The following HUWE1 variants were observed in gnomAD, a reference collection of about 807,000 sequenced individuals.
HUWE1 encodes E3 ubiquitin-protein ligase HUWE1.
Under a neutral mutation model 299.4 loss-of-function variants are expected in HUWE1, and 18 were observed. That is an observed-to-expected ratio of 0.06 (90% CI 0.04 to 0.09). The LOEUF is 0.09. Ranked by LOEUF, HUWE1 falls within the 10% of genes least tolerant of loss-of-function variation. The probability of loss-of-function intolerance (pLI) is 1.00; values close to 1 mark genes in which losing one functional copy is unlikely to be tolerated. For synonymous variants in HUWE1, 1,317 were observed against 1,286.1 expected (o/e 1.02, Z -0.51); for missense variants, 1,832 against 3,462.3 (o/e 0.53, Z 11.82).
intron 23 of HUWE1, among the ~76,000 whole-genome samples, chrX:53,612,329 G>A (rs1479499419): frequency 9.0e-6 from 1 of 111,700 alleles, no homozygotes; most frequent in Non-Finnish European, 1.9e-5. Flanking sequence ...ACTGATACTG[G>A]GGTACAGTAA....
chrX:53,643,749 T>TATA (rs782035041), intron 7 of HUWE1, among the ~76,000 whole-genome samples: 37 of 112,540 alleles, frequency 3.3e-4, no homozygotes, highest in Non-Finnish European at 6.8e-4. Context: ...TTTTACTAGT[T>TATA]ATAATAATTT....
chrX:53,574,120 AT>A (rs1556955950), intron 46 of HUWE1, among the ~76,000 whole-genome samples, 156 bp from the exon 47 acceptor site: 2 of 112,533 alleles, frequency 1.8e-5, no homozygotes, highest in Non-Finnish European at 3.8e-5. Flanking sequence ...GAGAACCAGG[AT>A]AACTCAGGTC....
At chrX:53,641,537 A>T (rs1166124495) in intron 7 of HUWE1, among the ~76,000 whole-genome samples, 1 of 111,669 alleles carries the variant, frequency 9.0e-6, no homozygotes, top group East Asian at 2.8e-4. Flanking sequence ...TCAGGGGTAA[A>T]CTCTAAAAAA....
chrX:53,589,608 G>A lies in HUWE1; in HGVS notation c.4400C>T (p.Thr1467Ile). Reference protein sequence around the residue: ...TVYRVCDLIMTAIKRNGADYR... With the variant: ...TVYRVCDLIMIAIKRNGADYR... Reference sequence around the variant, plus strand: ...ATCTGCTCCATTACGTTTGATTGCTGTCATGATCAGGTCACACACACGGTA... The same window carrying A: ...ATCTGCTCCATTACGTTTGATTGCTATCATGATCAGGTCACACACACGGTA... The change falls in exon 36 of 84, where the codon ACA becomes ATA. Residue 1467 changes from threonine (T) to isoleucine (I), a missense_variant. Thr to Ile is a moderately conservative substitution (Grantham distance 89). Transcript: ENST00000262854. 1 of 1,210,708 alleles carries A rather than the reference G, an allele frequency of 8.3e-7. No homozygotes were observed. The highest frequency in any genetic ancestry group is 2.2e-5 in the Admixed American group (1 of 45,988).
chrX:53,581,665 ATTTTT>A (rs1265066640), intron 42 of HUWE1, among the ~76,000 whole-genome samples: 1 of 107,200 alleles, frequency 9.3e-6, no homozygotes, highest in Non-Finnish European at 1.9e-5. Flanking sequence ...TGGTATCTTA[ATTTTT>A]TTTTTTTAAA....
At chrX:53,626,565 C>T (rs928755504) in intron 17 of HUWE1, among the ~76,000 whole-genome samples, 4 of 111,115 alleles carry the variant, frequency 3.6e-5, no homozygotes, top group Admixed American at 2.9e-4. Context: ...TTTGAATATG[C>T]ATAAAAAAGC....
At chrX:53,598,551 T>C (rs1270306285) in intron 29 of HUWE1, among the ~76,000 whole-genome samples, 2 of 111,380 alleles carry the variant, frequency 1.8e-5, no homozygotes, top group Non-Finnish European at 3.8e-5. Context: ...TCTTAATGAA[T>C]AGTAAATATA....
intron 59 of HUWE1, among the ~76,000 whole-genome samples, chrX:53,558,031 T>C (rs2062108937): frequency 8.9e-6 from 1 of 112,055 alleles, no homozygotes; most frequent in Non-Finnish European, 1.9e-5. Flanking sequence ...CCCCCTTTTA[T>C]ATCAAGTGAT....
intron 43 of HUWE1, among the ~76,000 whole-genome samples, chrX:53,578,964 C>T (rs2063420216): frequency 1.4e-5 from 1 of 71,868 alleles, no homozygotes; most frequent in African/African-American, 5.7e-5. Context: ...CGCCTCTGCC[C>T]GGCCGCCCCT....
chrX:53,642,635 T>A, intron 7 of HUWE1, among the ~76,000 whole-genome samples: 1 of 112,377 alleles, frequency 8.9e-6, no homozygotes, highest in Non-Finnish European at 1.9e-5. Context: ...GGGTTCCCAT[T>A]GCTTCACATA....
chrX:53,586,477 C>T lies in HUWE1; in HGVS notation c.4824+13G>A. The T allele has an allele frequency of 8.6e-7, 1 of 1,161,632 alleles. No individual in the cohort carries two copies. The highest frequency in any genetic ancestry group is 1.2e-6 in the Non-Finnish European group (1 of 850,357). On this transcript the variant is annotated intron_variant, in intron 39 of 83. Coordinates refer to ENST00000262854, the MANE Select transcript of HUWE1 (RefSeq NM_031407.7). Reference sequence around the variant, plus strand: ...CTAAACCGTCCTGCAGTCATACATACTACATTACACACCTTAGTCATCTGG... The same window carrying T: ...CTAAACCGTCCTGCAGTCATACATATTACATTACACACCTTAGTCATCTGG...
intron 75 of HUWE1, among the ~76,000 whole-genome samples, chrX:53,539,306 C>A (rs1324191129): frequency 1.1e-5 from 1 of 90,118 alleles, no homozygotes; most frequent in African/African-American, 4.1e-5. Flanking sequence ...CATAGTGAGA[C>A]CTCATTTCTG....
At chrX:53,563,665 C>T in intron 52 of HUWE1, 81 bp downstream of exon 52, 1 of 1,069,961 alleles carries the variant, frequency 9.3e-7, no homozygotes. Context: ...CAGAGCTGAG[C>T]AAGCAGATGA....
In HUWE1 at chrX:53,532,531, A is replaced by C. The variant is rs189505963; in HGVS notation, c.*778T>G. On this transcript the variant is annotated 3_prime_UTR_variant, in exon 84 of 84. Transcript: ENST00000262854. ...CTGGGCTGCAATCTCTAACACCATC[A>C]CCATCCCCAAGTGCAGCTCCCATTC... The C allele has an allele frequency of 9.4e-6, 1 of 106,134 alleles. No individual in the cohort carries two copies. Among genetic ancestry groups the C allele is most frequent in the Non-Finnish European group, 1.9e-5 (1 of 51,697 alleles). 8.7% of individuals were successfully genotyped at this position (106,134 alleles called of 1,213,427 possible). A position where few individuals can be genotyped will look rare whatever the true frequency, so the allele number is the denominator to read the frequency against.
intron 7 of HUWE1, among the ~76,000 whole-genome samples, chrX:53,634,894 T>C (rs1456897872): frequency 8.9e-6 from 1 of 112,585 alleles, no homozygotes; most frequent in Non-Finnish European, 1.9e-5. Context: ...AACTGGCTTC[T>C]AAATACAAAA....
chrX:53,638,952 T>G (rs2149162492), intron 7 of HUWE1, among the ~76,000 whole-genome samples: 1 of 112,165 alleles, frequency 8.9e-6, no homozygotes, highest in East Asian at 2.8e-4. Context: ...TAAAAACTAC[T>G]ATGAGGAAAG....
In HUWE1 at chrX:53,545,076, A is replaced by G; in HGVS notation, c.11001T>C (p.Pro3667=). ...QCETLSPDGL[P]EEQPQTTKLK... ...GCTTGGTGGTCTGTGGCTGCTCCTC[A>G]GGCAGGCCATCAGGAGAGAGGGTTT... The change falls in exon 71 of 84, where the codon CCT becomes CCC. Residue 3667 remains proline, a synonymous_variant. Coordinates refer to ENST00000262854, the MANE Select transcript of HUWE1 (RefSeq NM_031407.7). 8.3e-7 allele frequency: 1 copy of G among 1,210,313 alleles called. No individual in the cohort carries two copies. The highest frequency in any genetic ancestry group is 3.0e-5 in the East Asian group (1 of 33,777).
rs183165238 is a variant in HUWE1 at position 53,534,813 on chromosome X, C to G, written c.12650-116G>C. On this transcript the variant is annotated intron_variant, in intron 81 of 83. Transcript: ENST00000262854. Reference sequence around the variant, plus strand: ...TAGCTGGGACTACAGGCATGCACCACCACAACTGGTTAATTCTGCCCAGGC... The same window carrying G: ...TAGCTGGGACTACAGGCATGCACCAGCACAACTGGTTAATTCTGCCCAGGC... The G allele has an allele frequency of 1.4e-4, 84 of 610,675 alleles. No homozygotes were observed. In the African/African-American group the frequency reaches 1.4e-3, roughly 10 times the overall value. 50.3% of individuals were successfully genotyped at this position (610,675 alleles called of 1,213,427 possible). A position where few individuals can be genotyped will look rare whatever the true frequency, so the allele number is the denominator to read the frequency against.
intron 6 of HUWE1, among the ~76,000 whole-genome samples, chrX:53,646,070 T>C (rs1189014439): frequency 1.8e-5 from 2 of 110,747 alleles, no homozygotes; most frequent in African/African-American, 6.6e-5. Context: ...AAGCTAAAGA[T>C]ATCGATAACA....
Sources: gnomAD v4.1 joint callset for allele counts (sites outside exome capture counted in the v4.1 genomes callset) on GRCh38, gnomAD v4.1.1 for gene constraint, MANE v1.5 for transcripts, NCBI Gene and HGNC (gene_info 2026-07-23, HGNC 2026-07-21) for gene names.